The following RER1 variants were observed in gnomAD, a reference collection of about 807,000 sequenced individuals.
RER1 encodes the protein retention in endoplasmic reticulum sorting receptor 1.
Under a neutral mutation model 28.3 loss-of-function variants are expected in RER1, and 6 were observed. The ratio of observed to expected loss-of-function variants is 0.21; its 90% CI spans 0.12 to 0.42. The LOEUF (loss-of-function observed/expected upper bound fraction) is 0.42, where lower values mean the gene tolerates loss of function less well. Among genes scored for constraint, RER1 ranks in the 10% least tolerant of loss-of-function variants. RER1 has a pLI of 1.00. For missense variants in RER1, 159 were observed against 252.9 expected, an observed-to-expected ratio of 0.63 and a Z score of 2.52; for synonymous variants, 110 against 95.9, an observed-to-expected ratio of 1.15 and a Z score of -0.86.
chr1:2,395,856 C>G lies in RER1; in HGVS notation c.66C>G (p.Phe22Leu). The G allele has an allele frequency of 6.2e-7, 1 of 1,613,748 alleles. No individual in the cohort carries two copies. The highest frequency in any genetic ancestry group is 2.2e-5 in the East Asian group (1 of 44,882). The change falls in exon 2 of 7, where the codon TTC becomes TTG. Residue 22 changes from phenylalanine to leucine, a missense_variant. Phe to Leu is a conservative substitution (Grantham distance 22). Transcript: ENST00000605895. ...HGKPSVVYRFFTRLGQIYQSW... is the reference protein window; with the variant it reads ...HGKPSVVYRFLTRLGQIYQSW... ...AACCTTCGGTGGTGTACAGATTTTT[C>G]ACAAGACTTGGACAGGTTGGTGGGT...
chr1:2,397,264 A>G, intron 3 of RER1, 44 bp downstream of exon 3: 1 of 1,317,668 alleles, frequency 7.6e-7, no homozygotes, highest in Non-Finnish European at 1.1e-6. Flanking sequence ...TGTCCACGTT[A>G]CCTGGGCGTG....
intron 1 of RER1, chr1:2,394,683 G>C (rs1447921273): frequency 6.6e-6 from 1 of 152,288 alleles, no homozygotes; most frequent in Non-Finnish European, 1.5e-5. Context: ...GAGGCTGGCT[G>C]CGTGCTCAGA....
intron 5 of RER1, chr1:2,401,816 G>T (rs899809313): frequency 1.9e-6 from 1 of 530,024 alleles, no homozygotes; most frequent in Non-Finnish European, 3.3e-6. Flanking sequence ...TGCTGGGACG[G>T]GAGGGAGCAC....
Position 2,400,843 on chromosome 1 carries a change from G to C in RER1, c.287-14G>C, listed in dbSNP as rs1267598601. On this transcript the variant is annotated splice_polypyrimidine_tract_variant and intron_variant, in intron 4 of 6. Transcript: ENST00000605895. The stretch of plus-strand genomic sequence containing the variant: ...AAAAGAGGTGCCCTCCCTGATGGTT[G>C]CTCTGCCTTACAGATGACGGTCCTT... The C allele has an allele frequency of 1.9e-6, 3 of 1,611,268 alleles. No homozygotes were observed. The highest frequency in any genetic ancestry group is 1.3e-5 in the African/African-American group (1 of 74,862).
rs897093203 is a variant in RER1 at position 2,403,483 on chromosome 1, G to C, written c.*359G>C. On this transcript the variant is annotated 3_prime_UTR_variant, in exon 7 of 7. Transcript: ENST00000605895. ...GCGAGGGAGGAACGGGCCGCTCCCC[G>C]CCAGCCGCCTTCCCCAGCAGCCGCA... is the stretch of plus-strand genomic sequence containing the variant. 6.8e-6 allele frequency: 2 copies of C among 293,664 alleles called. No homozygotes were observed. The highest frequency in any genetic ancestry group is 1.3e-5 in the Non-Finnish European group (2 of 150,930). The allele number at this position is 293,664 out of a possible 1,614,324, so 18.2% of individuals were successfully genotyped here. A position where few individuals can be genotyped will look rare whatever the true frequency, so the allele number is the denominator to read the frequency against.
In RER1 at chr1:2,403,170, C is replaced by T. The variant is rs1642898617; in HGVS notation, c.*46C>T. The T allele has an allele frequency of 6.8e-7, 1 of 1,475,800 alleles. No individual in the cohort carries two copies. Among genetic ancestry groups the T allele is most frequent in the Non-Finnish European group, 9.5e-7 (1 of 1,055,402 alleles). 91.4% of individuals were successfully genotyped at this position (1,475,800 alleles called of 1,614,324 possible). ...CACGTGTTGCAAGAACAGTTTTGAG[C>T]CATTGTTAACAATGCCTTTTTTCTT... On this transcript the variant is annotated 3_prime_UTR_variant, in exon 7 of 7. Coordinates refer to ENST00000605895, the MANE Select transcript of RER1 (RefSeq NM_007033.5).
At chr1:2,394,460 T>G (rs1642738460) in intron 1 of RER1, 1 of 152,242 alleles carries the variant, frequency 6.6e-6, no homozygotes. Context: ...AGGATGGGAC[T>G]GGAAAAGCGT....
At chr1:2,397,712 C>T (rs962329086) in intron 3 of RER1, among the ~76,000 whole-genome samples, 7 of 152,182 alleles carry the variant, frequency 4.6e-5, no homozygotes, top group South Asian at 2.1e-4. Context: ...AGACAGTGAC[C>T]GAAGGGGGTC....
In RER1 at chr1:2,404,682, CG is replaced by C. The variant is rs1642939016; in HGVS notation, c.*1561del. The C allele has an allele frequency of 6.6e-6, 1 of 152,240 alleles. No individual in the cohort carries two copies. The highest frequency in any genetic ancestry group is 1.5e-5 in the Non-Finnish European group (1 of 68,038). 9.4% of individuals were successfully genotyped at this position (152,240 alleles called of 1,614,324 possible). A position where few individuals can be genotyped will look rare whatever the true frequency, so the allele number is the denominator to read the frequency against. Reference sequence around the variant, plus strand: ...GTCAAACAGCAAGACATGGTTTGCGCGGGTCTTTGCCGGAAGCCGGTCCTGC... The same window carrying C: ...GTCAAACAGCAAGACATGGTTTGCGCGGTCTTTGCCGGAAGCCGGTCCTGC... On this transcript the variant is annotated 3_prime_UTR_variant, in exon 7 of 7. Transcript: ENST00000605895.
rs115090288 is a variant in RER1 at position 2,403,424 on chromosome 1, C to G, written c.*300C>G. 2 of 358,392 alleles carry G rather than the reference C, an allele frequency of 5.6e-6. No homozygotes were observed. Among genetic ancestry groups the G allele is most frequent in the African/African-American group, 2.1e-5 (1 of 46,710 alleles). 22.2% of individuals were successfully genotyped at this position (358,392 alleles called of 1,614,324 possible). A position where few individuals can be genotyped will look rare whatever the true frequency, so the allele number is the denominator to read the frequency against. ...GGAGCAAGGGCGAGTGGCCGGTCCC[C>G]GCTGTGCCAGGTGGGCAGGCAGGAG... On this transcript the variant is annotated 3_prime_UTR_variant, in exon 7 of 7. Coordinates refer to ENST00000605895, the MANE Select transcript of RER1 (RefSeq NM_007033.5).
rs772904445 is a variant in RER1 at position 2,403,161 on chromosome 1, AG to A, written c.*38del. ...AGGCTGCCTCACGTGTTGCAAGAAC[AG>A]TTTTGAGCCATTGTTAACAATGCCT... is the stretch of plus-strand genomic sequence containing the variant. On this transcript the variant is annotated 3_prime_UTR_variant, in exon 7 of 7. Coordinates refer to ENST00000605895, the MANE Select transcript of RER1 (RefSeq NM_007033.5). 1.3e-4 allele frequency: 202 copies of A among 1,522,044 alleles called. No homozygotes were observed. The highest frequency in any genetic ancestry group is 1.8e-4 in the Non-Finnish European group (195 of 1,096,466). The allele number at this position is 1,522,044 out of a possible 1,614,324, so 94.3% of individuals were successfully genotyped here.
intron 4 of RER1, among the ~76,000 whole-genome samples, chr1:2,400,324 T>G (rs1245999267): frequency 6.6e-6 from 1 of 152,206 alleles, no homozygotes; most frequent in Admixed American, 6.5e-5. Context: ...AGCCCCTCTC[T>G]GTTGTTGCTG....
chr1:2,401,341 T>TC (rs377291991), intron 5 of RER1, among the ~76,000 whole-genome samples: 1 of 2,528 alleles, frequency 4.0e-4, no homozygotes, highest in East Asian at 0.013. Context: ...CCTCCCTCCT[T>TC]CTCCCTCCTT....
chr1:2,392,720 G>C (rs1642702057), intron 1 of RER1, among the ~76,000 whole-genome samples: 1 of 152,230 alleles, frequency 6.6e-6, no homozygotes, highest in Non-Finnish European at 1.5e-5. Context: ...ATCCCCGTAA[G>C]TGGATAAAGG....
intron 6 of RER1, 79 bp from the exon 7 acceptor site, chr1:2,402,956 T>G: frequency 8.2e-7 from 1 of 1,219,608 alleles, no homozygotes; most frequent in Non-Finnish European, 1.2e-6. Flanking sequence ...TGGGGGACCT[T>G]TGGCCGCTCA....
intron 3 of RER1, 22 bp from the exon 4 acceptor site, chr1:2,399,393 A>G: frequency 5.0e-4 from 693 of 1,389,838 alleles, no homozygotes; most frequent in Middle Eastern, 7.1e-4. Context: ...TGCACCACTG[A>G]CTCTCTTTCC....
intron 3 of RER1, 117 bp downstream of exon 3, chr1:2,397,337 T>C (rs1448390293): frequency 2.8e-6 from 2 of 709,854 alleles, no homozygotes; most frequent in Non-Finnish European, 5.2e-6. Flanking sequence ...GTAATCAATT[T>C]TCAGCTAAAC....
intron 1 of RER1, chr1:2,395,384 C>G (rs547404449): frequency 8.2e-6 from 2 of 243,544 alleles, no homozygotes; most frequent in Non-Finnish European, 1.6e-5. Context: ...GGTGCCTGGG[C>G]GGGGGAACCC....
intron 4 of RER1, among the ~76,000 whole-genome samples, chr1:2,399,721 C>T (rs576589523): frequency 1.8e-4 from 27 of 152,346 alleles, no homozygotes; most frequent in Admixed American, 9.8e-4. Context: ...TGTTTTCCCA[C>T]TTTGCAGATG....
Sources: allele counts gnomAD v4.1 joint callset (sites outside exome capture counted in the v4.1 genomes callset), GRCh38; gene constraint gnomAD v4.1.1; transcripts MANE v1.5; gene names NCBI Gene and HGNC (gene_info 2026-07-23, HGNC 2026-07-21).